The following SBSPON variants were observed in gnomAD, a reference collection of about 807,000 sequenced individuals.
SBSPON encodes somatomedin B and thrombospondin type 1 domain containing, also known as somatomedin-B and thrombospondin type-1 domain-containing protein.
Under a neutral mutation model 35.8 loss-of-function variants are expected in SBSPON, and 30 were observed. The ratio of observed to expected loss-of-function variants is 0.84; its 90% confidence interval spans 0.63 to 1.14. The LOEUF is 1.14. Ranked by LOEUF, SBSPON falls within the 50% of genes most tolerant of loss-of-function variation. SBSPON has a pLI of 0.00. For missense variants in SBSPON, 364 were observed against 357.7 expected, an observed-to-expected ratio of 1.02 and a Z score of -0.14; for synonymous variants, 136 against 135.9, an observed-to-expected ratio of 1.00 and a Z score of 0.00.
intron 1 of SBSPON, among the ~76,000 whole-genome samples, chr8:73,090,252 A>G (rs1810905722): frequency 6.6e-6 from 1 of 152,246 alleles, no homozygotes; most frequent in South Asian, 2.1e-4. Context: ...GCCAAACAGC[A>G]CCAGGGTAAA....
chr8:73,085,211 A>G (rs2130032378), intron 1 of SBSPON, among the ~76,000 whole-genome samples: 1 of 152,264 alleles, frequency 6.6e-6, no homozygotes, highest in African/African-American at 2.4e-5. Flanking sequence ...AAGGGTGTCC[A>G]TCAGAAGGAG....
At chr8:73,076,985 C>A (rs974727262) in intron 2 of SBSPON, among the ~76,000 whole-genome samples, 2 of 152,178 alleles carry the variant, frequency 1.3e-5, no homozygotes, top group Non-Finnish European at 2.9e-5. Flanking sequence ...TGGCTCACTG[C>A]AACCTCCACC....
intron 3 of SBSPON, 42 bp from the exon 4 acceptor site, chr8:73,070,023 A>AAG (rs1810463437): frequency 7.6e-7 from 1 of 1,322,100 alleles, no homozygotes; most frequent in Admixed American, 2.2e-5. Flanking sequence ...TGTAATGAGC[A>AAG]GTGGCCTAAA....
At position 73,067,512 on chromosome 8, in the gene SBSPON, T is replaced by G. The variant is rs1325246353; in HGVS notation, c.678-54A>C. ...ACACTAAAAGCATACCGAAGAAAGG[T>G]CTAATTTACAGAATTAAAACTCGGA... On this transcript the variant is annotated intron_variant, in intron 4 of 4. Transcript: ENST00000297354. 7.3e-6 allele frequency: 8 copies of G among 1,102,950 alleles called. No individual in the cohort carries two copies. In the Admixed American group the frequency reaches 1.2e-4, roughly 17 times the overall value. The allele number at this position is 1,102,950 out of a possible 1,614,324, so 68.3% of individuals were successfully genotyped here.
At chr8:73,085,360 C>T (rs1042595103) in intron 1 of SBSPON, 2 of 152,030 alleles carry the variant, frequency 1.3e-5, no homozygotes, top group African/African-American at 2.4e-5. Context: ...CTTTTATTAT[C>T]TGTGGCACAA....
intron 2 of SBSPON, among the ~76,000 whole-genome samples, chr8:73,074,877 G>A (rs1810563092): frequency 6.6e-6 from 1 of 152,170 alleles, no homozygotes; most frequent in Non-Finnish European, 1.5e-5. Context: ...TTCACATCAT[G>A]TGTTACCTTC....
At chr8:73,067,561 T>C in intron 4 of SBSPON, 103 bp from the exon 5 acceptor site, 1 of 563,236 alleles carries the variant, frequency 1.8e-6, no homozygotes, top group East Asian at 3.0e-5. Context: ...GATCACAGCC[T>C]GAGCAATATA....
rs1332668307 is a variant in SBSPON, at chr8:73,067,404, C to G, written c.732G>C (p.Trp244Cys). 3 of 1,612,378 alleles carry G rather than the reference C, an allele frequency of 1.9e-6. No homozygotes were observed. The Admixed American group carries it at 5.0e-5, about 27-fold the overall frequency. The change falls in exon 5 of 5, where the codon TGG (tryptophan) becomes TGC (cysteine). Residue 244 changes from tryptophan (W) to cysteine (C), a missense_variant. Trp to Cys is a radical substitution (Grantham distance 215). Coordinates refer to ENST00000297354, the MANE Select transcript of SBSPON (RefSeq NM_153225.4). The part of the protein sequence containing the change: ...AIGNPRCQGT[W>C]KKVRRVDQCS... Reference sequence around the variant, plus strand: ...ACTGGTCTACTCGCCGAACTTTTTTCCAAGTTCCTTGACACCGAGGATTAC... The same window carrying G: ...ACTGGTCTACTCGCCGAACTTTTTTGCAAGTTCCTTGACACCGAGGATTAC...
At position 73,093,085 on chromosome 8, in the gene SBSPON, C is replaced by T. The variant is rs1332871208; in HGVS notation, c.-18G>A. The stretch of plus-strand genomic sequence containing the variant: ...GTCCTCATGGCCAGGGCTCCGGCGG[C>T]GCCTGCGACGCGACAGACCCCCGGG... On this transcript the variant is annotated 5_prime_UTR_variant, in exon 1 of 5. Coordinates refer to ENST00000297354, the MANE Select transcript of SBSPON (RefSeq NM_153225.4). 2.3e-6 allele frequency: 3 copies of T among 1,291,606 alleles called. No homozygotes were observed. Among genetic ancestry groups the T allele is most frequent in the Non-Finnish European group, 2.0e-6 (2 of 1,016,706 alleles). The allele number at this position is 1,291,606 out of a possible 1,614,324, so 80.0% of individuals were successfully genotyped here. A position where few individuals can be genotyped will look rare whatever the true frequency, so the allele number is the denominator to read the frequency against.
Position 73,092,845 on chromosome 8 carries a change from ACC to A in SBSPON, c.214+7_214+8del, listed in dbSNP as rs750215691. ...CGGCCGGCGCCCCACTCTCGGCCTG[ACC>A]ACCCACCTGGGCACGCCCTGTCGTA... On this transcript the variant is annotated splice_region_variant and intron_variant, in intron 1 of 4. Coordinates refer to ENST00000297354, the MANE Select transcript of SBSPON (RefSeq NM_153225.4). The A allele has an allele frequency of 6.2e-7, 1 of 1,606,854 alleles. No homozygotes were observed. The highest frequency in any genetic ancestry group is 1.3e-5 in the African/African-American group (1 of 74,346).
intron 4 of SBSPON, 98 bp from the exon 5 acceptor site, chr8:73,067,556 C>T (rs1810412762): frequency 1.6e-6 from 1 of 628,896 alleles, no homozygotes; most frequent in South Asian, 1.6e-5. Context: ...AAACTGATCA[C>T]AGCCTGAGCA....
intron 1 of SBSPON, among the ~76,000 whole-genome samples, chr8:73,081,497 C>T (rs1468857065): frequency 2.0e-5 from 3 of 152,124 alleles, no homozygotes; most frequent in African/African-American, 7.2e-5. Context: ...GGAGATGAGA[C>T]GGATGCTTTC....
At position 73,067,157 on chromosome 8, in the gene SBSPON, A is replaced by G. The variant is rs1586086974; in HGVS notation, c.*184T>C. On this transcript the variant is annotated 3_prime_UTR_variant, in exon 5 of 5. Transcript: ENST00000297354. ...TTTTGAGTGGGTCTTCAACTTAGTT[A>G]AAATAAAAATAAAGGACCTGTGTTC... 1 of 481,132 alleles carries G rather than the reference A, an allele frequency of 2.1e-6. No individual in the cohort carries two copies. The highest frequency in any genetic ancestry group is 3.1e-5 in the East Asian group (1 of 31,832). The allele number at this position is 481,132 out of a possible 1,614,324, so 29.8% of individuals were successfully genotyped here.
intron 1 of SBSPON, among the ~76,000 whole-genome samples, chr8:73,091,593 G>A (rs143720665): frequency 1.0e-3 from 158 of 152,266 alleles, no homozygotes; most frequent in Non-Finnish European, 2.0e-3. Context: ...AGGGGCTGGA[G>A]TTACCTGGCT....
At chr8:73,087,123 T>C (rs1013120992) in intron 1 of SBSPON, among the ~76,000 whole-genome samples, 2 of 152,198 alleles carry the variant, frequency 1.3e-5, no homozygotes, top group Admixed American at 6.5e-5. Flanking sequence ...ACTCTGTTGG[T>C]GTTTATGTGG....
At chr8:73,075,653 G>T in intron 2 of SBSPON, 1 of 219,528 alleles carries the variant, frequency 4.6e-6, no homozygotes, top group Non-Finnish European at 7.7e-6. Context: ...TACTTACTTT[G>T]AACATGAAAG....
chr8:73,079,332 T>C (rs1810651762), intron 2 of SBSPON, among the ~76,000 whole-genome samples: 2 of 152,214 alleles, frequency 1.3e-5, no homozygotes, highest in South Asian at 4.2e-4. Context: ...GGAGTTGCTG[T>C]GCCCTCCTCC....
At chr8:73,086,078 G>A (rs1353080692) in intron 1 of SBSPON, among the ~76,000 whole-genome samples, 1 of 151,944 alleles carries the variant, frequency 6.6e-6, no homozygotes, top group Admixed American at 6.6e-5. Context: ...TTCTGTGGAA[G>A]AAAAATAAAA....
rs1241136927 is a variant in SBSPON at position 73,066,105 on chromosome 8, A to T, written c.*1236T>A. ...TACGTATTTTAGTAAATCATTTGTT[A>T]GTGAATATTATTCAATTGAAACCAA... On this transcript the variant is annotated 3_prime_UTR_variant, in exon 5 of 5. Transcript: ENST00000297354. The T allele has an allele frequency of 6.6e-6, 1 of 152,202 alleles. No homozygotes were observed. Among genetic ancestry groups the T allele is most frequent in the East Asian group, 1.9e-4 (1 of 5,196 alleles). The allele number at this position is 152,202 out of a possible 1,614,324, so 9.4% of individuals were successfully genotyped here.
Sources: allele counts gnomAD v4.1 joint callset (sites outside exome capture counted in the v4.1 genomes callset), GRCh38; gene constraint gnomAD v4.1.1; transcripts MANE v1.5; gene names NCBI Gene and HGNC (gene_info 2026-07-23, HGNC 2026-07-21).